C10orf90: variants seen among roughly 807,000 people sequenced by gnomAD.
C10orf90 encodes the protein (E2-independent) E3 ubiquitin-conjugating enzyme FATS.
In C10orf90, 56 loss-of-function variants were observed where a neutral mutation model predicts 62.5. The ratio of observed to expected loss-of-function variants is 0.90; its 90% CI spans 0.72 to 1.12. C10orf90 has a LOEUF of 1.12. Ranked by LOEUF, C10orf90 falls within the 50% of genes most tolerant of loss-of-function variation. The probability of loss-of-function intolerance (pLI) is 0.00; values close to 1 mark genes in which losing one functional copy is unlikely to be tolerated. For missense variants in C10orf90, 970 were observed against 880.4 expected (o/e 1.10, Z -1.29); for synonymous variants, 386 against 340.4 (o/e 1.13, Z -1.47).
intron 2 of C10orf90, among the ~76,000 whole-genome samples, chr10:126,596,948 G>T (rs995478584): frequency 1.3e-5 from 2 of 152,162 alleles, no homozygotes; most frequent in African/African-American, 4.8e-5. Flanking sequence ...CACACAAAGA[G>T]ATGTTCAACA....
At chr10:126,491,070 A>T (rs919288712) in intron 4 of C10orf90, among the ~76,000 whole-genome samples, 17 of 152,226 alleles carry the variant, frequency 1.1e-4, no homozygotes, top group African/African-American at 4.1e-4. Flanking sequence ...AGTCATTTAT[A>T]CTAGCATTCA....
intron 8 of C10orf90, among the ~76,000 whole-genome samples, chr10:126,428,574 C>T (rs747423389): frequency 1.6e-4 from 24 of 152,104 alleles, no homozygotes; most frequent in Non-Finnish European, 2.4e-4. Flanking sequence ...CTAGCTCACT[C>T]GTCCTCTTTG....
Position 126,444,591 on chromosome 10 carries a change from A to G in C10orf90, c.2188+14449T>C, listed in dbSNP as rs187915983. ...AAATCAATATTGTGAAAATGACCAC[A>G]CTGCCAAAAGCAATCTACAAATTCA... On this transcript the variant is annotated intron_variant, in intron 7 of 9. Transcript: ENST00000488181. Among the ~76,000 whole-genome samples, 574 of 152,314 alleles carry G rather than the reference A, an allele frequency of 3.8e-3. 1 individual carries two copies. The highest frequency in any genetic ancestry group is 6.8e-3 in the Admixed American group (104 of 15,296).
intron 2 of C10orf90, among the ~76,000 whole-genome samples, chr10:126,534,639 G>A (rs1417502315): frequency 6.6e-6 from 1 of 152,108 alleles, no homozygotes; most frequent in Non-Finnish European, 1.5e-5. Flanking sequence ...CACTTCCAAA[G>A]GAAGAGAAGA....
At chr10:126,468,537 A>G (rs1487207757) in intron 4 of C10orf90, among the ~76,000 whole-genome samples, 1 of 152,194 alleles carries the variant, frequency 6.6e-6, no homozygotes, top group African/African-American at 2.4e-5. Flanking sequence ...GGGACTGATC[A>G]CGGTTGGCAT....
intron 2 of C10orf90, among the ~76,000 whole-genome samples, chr10:126,575,129 A>C (rs938521525): frequency 6.6e-6 from 1 of 152,086 alleles, no homozygotes; most frequent in African/African-American, 2.4e-5. Flanking sequence ...CTATTAGAAT[A>C]GGTGAAGGAA....
At chr10:126,473,826 C>T (rs78968346) in intron 4 of C10orf90, among the ~76,000 whole-genome samples, 1,813 of 152,044 alleles carry the variant, frequency 0.012, 30 homozygotes, top group African/African-American at 0.04. Flanking sequence ...ATTGCTGGGC[C>T]CACTCTGGGG....
At chr10:126,511,357 C>G (rs1863097522) in intron 3 of C10orf90, among the ~76,000 whole-genome samples, 1 of 152,124 alleles carries the variant, frequency 6.6e-6, no homozygotes, top group African/African-American at 2.4e-5. Context: ...CAATTTTTAA[C>G]TTGTGGTAAG....
At chr10:126,564,832 C>A (rs184038221) in intron 2 of C10orf90, among the ~76,000 whole-genome samples, 721 of 5,616 alleles carry the variant, frequency 0.13, 58 homozygotes, top group African/African-American at 0.17. Context: ...CTCTCTCTCT[C>A]TATATATATA....
At chr10:126,518,729 T>C (rs1458531690) in intron 2 of C10orf90, among the ~76,000 whole-genome samples, 2 of 152,190 alleles carry the variant, frequency 1.3e-5, no homozygotes, top group African/African-American at 4.8e-5. Flanking sequence ...TAAGAGCTCT[T>C]CTCTCCTAAG....
At chr10:126,662,659 C>T (rs569331866) in intron 1 of C10orf90, among the ~76,000 whole-genome samples, 5 of 152,308 alleles carry the variant, frequency 3.3e-5, no homozygotes, top group African/African-American at 7.2e-5. Flanking sequence ...CTCTCTCTGT[C>T]CCCCCACGCC....
chr10:126,427,926 C>T (rs373830186), intron 8 of C10orf90, among the ~76,000 whole-genome samples: 5 of 152,028 alleles, frequency 3.3e-5, no homozygotes, highest in Non-Finnish European at 7.4e-5. Flanking sequence ...TCTGGGGAAC[C>T]GTAACTAATA....
At chr10:126,557,267 G>T (rs898940138) in intron 2 of C10orf90, among the ~76,000 whole-genome samples, 1 of 151,920 alleles carries the variant, frequency 6.6e-6, no homozygotes, top group Admixed American at 6.6e-5. Flanking sequence ...AGATCACGAG[G>T]TTGGGAGATT....
intron 7 of C10orf90, among the ~76,000 whole-genome samples, chr10:126,439,453 G>T (rs992066930): frequency 6.6e-6 from 1 of 152,110 alleles, no homozygotes; most frequent in Non-Finnish European, 1.5e-5. Context: ...TGTGATAATT[G>T]TCCAGTAACT....
At chr10:126,542,700 C>G (rs1365900308) in intron 2 of C10orf90, among the ~76,000 whole-genome samples, 1 of 152,010 alleles carries the variant, frequency 6.6e-6, no homozygotes, top group Non-Finnish European at 1.5e-5. Flanking sequence ...TTTAGCATGG[C>G]AAATACACAC....
At chr10:126,530,799 C>T (rs947021958) in intron 2 of C10orf90, among the ~76,000 whole-genome samples, 1 of 151,646 alleles carries the variant, frequency 6.6e-6, no homozygotes, top group Non-Finnish European at 1.5e-5. Context: ...CTAACAAAAG[C>T]CTAACTGCAA....
At chr10:126,647,660 T>C (rs374583579) in intron 1 of C10orf90, among the ~76,000 whole-genome samples, 17 of 152,342 alleles carry the variant, frequency 1.1e-4, no homozygotes, top group South Asian at 8.3e-4. Flanking sequence ...TCCCCATGGC[T>C]CAACTCAGCC....
intron 2 of C10orf90, among the ~76,000 whole-genome samples, chr10:126,563,571 G>T (rs1864952363): frequency 6.6e-6 from 1 of 152,206 alleles, no homozygotes; most frequent in Non-Finnish European, 1.5e-5. Context: ...GTGTGAAAAT[G>T]TGTGGACCAC....
At chr10:126,623,903 C>T (rs77358564) in intron 2 of C10orf90, among the ~76,000 whole-genome samples, 2,784 of 151,730 alleles carry the variant, frequency 0.018, 82 homozygotes, top group African/African-American at 0.064. Flanking sequence ...AGGCTACAGT[C>T]CCAGCCCTTA....
Sources: allele counts gnomAD v4.1 joint callset (sites outside exome capture counted in the v4.1 genomes callset), GRCh38; gene constraint gnomAD v4.1.1; transcripts MANE v1.5; gene names NCBI Gene and HGNC (gene_info 2026-07-23, HGNC 2026-07-21).